Variants in OR4N5 observed in about 807,000 individuals in gnomAD.
OR4N5 encodes olfactory receptor 4N5.
For missense variants in OR4N5, 428 were observed against 370.0 expected (o/e 1.16, Z -1.29); for synonymous variants, 155 against 140.6 (o/e 1.10, Z -0.72).
chr14:20,139,911 C>T (rs1308477361), intron 1 of OR4N5, among the ~76,000 whole-genome samples: 2 of 152,068 alleles, frequency 1.3e-5, no homozygotes, highest in Non-Finnish European at 2.9e-5. Flanking sequence ...AATAACTTGC[C>T]TCATTTTTAT....
intron 2 of OR4N5, among the ~76,000 whole-genome samples, chr14:20,142,213 C>A (rs1354733410): frequency 6.6e-6 from 1 of 151,974 alleles, no homozygotes; most frequent in Non-Finnish European, 1.5e-5. Context: ...GCAAGCTCCG[C>A]CTCCTGGGTT....
At chr14:20,139,895 C>T (rs906297104) in intron 1 of OR4N5, among the ~76,000 whole-genome samples, 12 of 152,068 alleles carry the variant, frequency 7.9e-5, no homozygotes, top group Non-Finnish European at 1.8e-4. Flanking sequence ...TATTTTAGAA[C>T]ACCAAAATAA....
rs758853164 is a variant in OR4N5, at chr14:20,143,665, T to C, written c.-11-60T>C. On this transcript the variant is annotated intron_variant, in intron 2 of 2. Coordinates refer to ENST00000641086, the MANE Select transcript of OR4N5 (RefSeq NM_001004724.2). Reference sequence around the variant, plus strand: ...ATAATGTTCTTATCTGGAGAGGAGATAGAAAACAGATGAAAAGGTGGTTAT... The same window carrying C: ...ATAATGTTCTTATCTGGAGAGGAGACAGAAAACAGATGAAAAGGTGGTTAT... 244 of 1,120,310 alleles carry C rather than the reference T, an allele frequency of 2.2e-4. 1 individual carries two copies. Among genetic ancestry groups the C allele is most frequent in the Non-Finnish European group, 3.1e-4 (239 of 771,254 alleles). The allele number at this position is 1,120,310 out of a possible 1,614,324, so 69.4% of individuals were successfully genotyped here.
At chr14:20,143,406 A>T (rs1878655714) in intron 2 of OR4N5, among the ~76,000 whole-genome samples, 1 of 152,196 alleles carries the variant, frequency 6.6e-6, no homozygotes, top group Non-Finnish European at 1.5e-5. Flanking sequence ...GACAAACTTG[A>T]TCATGCTTAA....
At chr14:20,139,220 G>A (rs1210288046) in intron 1 of OR4N5, among the ~76,000 whole-genome samples, 2 of 152,068 alleles carry the variant, frequency 1.3e-5, no homozygotes, top group Admixed American at 1.3e-4. Flanking sequence ...TAATACAAAT[G>A]ACTGATTTCA....
Position 20,144,626 on chromosome 14 carries a change from C to CA in OR4N5, c.892dup (p.Met298AsnfsTer62). ...TTCGCAACCAGGAGGTGAAAGCTTC[C>CA]ATGAGGAAGTTGTTAAGTCAACATA... On this transcript the variant is annotated frameshift_variant, in exon 3 of 3. Transcript: ENST00000641086. LOFTEE classifies it low-confidence loss of function (END_TRUNC). The CA allele has an allele frequency of 6.2e-7, 1 of 1,612,334 alleles. No individual in the cohort carries two copies. The highest frequency in any genetic ancestry group is 8.5e-7 in the Non-Finnish European group (1 of 1,179,450).
intron 1 of OR4N5, among the ~76,000 whole-genome samples, chr14:20,140,030 G>T (rs1878585378): frequency 6.6e-6 from 1 of 152,192 alleles, no homozygotes; most frequent in African/African-American, 2.4e-5. Flanking sequence ...GTAAGGCTTA[G>T]CACTGGGGAG....
rs1484213067 is a variant in OR4N5 at position 20,138,897 on chromosome 14, T to C, written c.-381+7T>C. On this transcript the variant is annotated splice_region_variant and intron_variant, in intron 1 of 2. Transcript: ENST00000641086. The stretch of plus-strand genomic sequence containing the variant: ...GCATTTGGCTCCCGGCAAGGTAAAA[T>C]TTTTTATCATTCTTTATATTTAAAT... 1 of 151,642 alleles carries C rather than the reference T, an allele frequency of 6.6e-6. No homozygotes were observed. The highest frequency in any genetic ancestry group is 2.4e-5 in the African/African-American group (1 of 41,300). 9.4% of individuals were successfully genotyped at this position (151,642 alleles called of 1,614,324 possible). A position where few individuals can be genotyped will look rare whatever the true frequency, so the allele number is the denominator to read the frequency against.
Position 20,144,320 on chromosome 14 carries a change from G to A in OR4N5, c.585G>A (p.Val195=), listed in dbSNP as rs1878687959. The A allele has an allele frequency of 6.2e-7, 1 of 1,613,960 alleles. No individual in the cohort carries two copies. Among genetic ancestry groups the A allele is most frequent in the African/African-American group, 1.3e-5 (1 of 75,028 alleles). ...IKLACTNTFV[V]ELLMVSNSGL... ...TGGCCTGCACCAATACCTTTGTGGTGGAGCTTCTGATGGTCTCCAACAGTG... is the reference window on the plus strand; with the variant it reads ...TGGCCTGCACCAATACCTTTGTGGTAGAGCTTCTGATGGTCTCCAACAGTG... The change falls in exon 3 of 3, where the codon GTG becomes GTA. Residue 195 remains valine (V), a synonymous_variant. Coordinates refer to ENST00000641086, the MANE Select transcript of OR4N5 (RefSeq NM_001004724.2).
intron 2 of OR4N5, among the ~76,000 whole-genome samples, chr14:20,142,421 A>C (rs1878636587): frequency 6.6e-6 from 1 of 152,136 alleles, no homozygotes; most frequent in Non-Finnish European, 1.5e-5. Flanking sequence ...GAACAAATAC[A>C]TTTTTAAAAA....
At chr14:20,139,358 C>T (rs1566558458) in intron 1 of OR4N5, among the ~76,000 whole-genome samples, 1 of 152,108 alleles carries the variant, frequency 6.6e-6, no homozygotes, top group Non-Finnish European at 1.5e-5. Flanking sequence ...GTTCCACACT[C>T]AGTTACATGT....
intron 2 of OR4N5, among the ~76,000 whole-genome samples, chr14:20,142,482 A>G (rs1459064279): frequency 6.6e-6 from 1 of 152,154 alleles, no homozygotes; most frequent in Non-Finnish European, 1.5e-5. Flanking sequence ...ATGCATCCCA[A>G]TGGATTATCT....
intron 2 of OR4N5, among the ~76,000 whole-genome samples, chr14:20,141,554 C>A (rs772846192): frequency 6.6e-6 from 1 of 152,104 alleles, no homozygotes; most frequent in Non-Finnish European, 1.5e-5. Flanking sequence ...CTGTAAAATG[C>A]TAATATATTA....
At chr14:20,140,732 A>G (rs1878599782) in intron 1 of OR4N5, 111 bp from the exon 2 acceptor site, 1 of 152,132 alleles carries the variant, frequency 6.6e-6, no homozygotes, top group Admixed American at 6.6e-5. Flanking sequence ...CTATCTATCT[A>G]TACGTATATA....
chr14:20,142,344 T>C (rs1431083250), intron 2 of OR4N5, among the ~76,000 whole-genome samples: 2 of 152,136 alleles, frequency 1.3e-5, no homozygotes. Context: ...TTAGCCAGGA[T>C]GGTCTCGATC....
chr14:20,144,252 C>T lies in OR4N5; in HGVS notation c.517C>T (p.Gln173Ter). 1 of 1,614,066 alleles carries T rather than the reference C, an allele frequency of 6.2e-7. No individual in the cohort carries two copies. The highest frequency in any genetic ancestry group is 8.5e-7 in the Non-Finnish European group (1 of 1,180,004). ...ILHLPFCGPN[Q>*]LDNFFCDVPQ... Reference sequence around the variant, plus strand: ...GCACTTGCCTTTCTGTGGCCCAAACCAGCTCGATAACTTCTTCTGTGATGT... The same window carrying T: ...GCACTTGCCTTTCTGTGGCCCAAACTAGCTCGATAACTTCTTCTGTGATGT... The change falls in exon 3 of 3, where the codon CAG becomes TAG. Residue 173 changes from glutamine to a stop codon, truncating the protein, a stop_gained. Coordinates refer to ENST00000641086, the MANE Select transcript of OR4N5 (RefSeq NM_001004724.2). LOFTEE classifies it low-confidence loss of function (END_TRUNC).
chr14:20,141,253 C>G (rs1878610183), intron 2 of OR4N5, 42 bp downstream of exon 2: 1 of 152,056 alleles, frequency 6.6e-6, no homozygotes, highest in Non-Finnish European at 1.5e-5. Context: ...GTTCTTAAGA[C>G]CAGGTTTCTG....
chr14:20,142,407 G>T (rs1878636253), intron 2 of OR4N5, among the ~76,000 whole-genome samples: 1 of 152,134 alleles, frequency 6.6e-6, no homozygotes, highest in South Asian at 2.1e-4. Flanking sequence ...GGGATTACAG[G>T]TGTGAACAAA....
chr14:20,140,060 C>T (rs754724515), intron 1 of OR4N5, among the ~76,000 whole-genome samples: 10 of 152,242 alleles, frequency 6.6e-5, no homozygotes, highest in Non-Finnish European at 1.5e-4. Flanking sequence ...CACTTTAGGT[C>T]TGTAGAAAAA....
Sources: allele counts gnomAD v4.1 joint callset (sites outside exome capture counted in the v4.1 genomes callset), GRCh38; gene constraint gnomAD v4.1.1; transcripts MANE v1.5; gene names NCBI Gene and HGNC (gene_info 2026-07-23, HGNC 2026-07-21).